The following ADGRA1 variants were observed in gnomAD, a reference collection of about 807,000 sequenced individuals.
The protein encoded by ADGRA1 is G-protein coupled receptor 123.
A neutral mutation model predicts 21.3 loss-of-function variants in ADGRA1; 12 were observed. That is an observed-to-expected ratio of 0.56 (90% confidence interval 0.36 to 0.91). ADGRA1 has a LOEUF of 0.91. Among genes scored for constraint, ADGRA1 ranks in the 40% least tolerant of loss-of-function variants. ADGRA1 has a pLI of 0.01. For synonymous variants in ADGRA1, 385 were observed against 368.8 expected, an observed-to-expected ratio of 1.04 and a Z score of -0.50; for missense variants, 790 against 805.6, an observed-to-expected ratio of 0.98 and a Z score of 0.23.
intron 5 of ADGRA1, among the ~76,000 whole-genome samples, chr10:133,105,700 G>A (rs561103072): frequency 1.3e-5 from 2 of 152,234 alleles, no homozygotes; most frequent in African/African-American, 4.8e-5. Context: ...GGTCAGCAGA[G>A]GGGGCGGACA....
chr10:133,122,705 G>T (rs1852295172), intron 5 of ADGRA1, among the ~76,000 whole-genome samples: 1 of 152,182 alleles, frequency 6.6e-6, no homozygotes, highest in Non-Finnish European at 1.5e-5. Context: ...CACGACCCGC[G>T]GGGCAGAAGC....
At chr10:133,095,707 G>C (rs754050743) in intron 2 of ADGRA1, 11 of 1,597,876 alleles carry the variant, frequency 6.9e-6, no homozygotes, top group African/African-American at 1.3e-5. Context: ...GTCTTGGCTG[G>C]ACGGACAAGA....
chr10:133,115,187 T>G (rs1453693236), intron 5 of ADGRA1, among the ~76,000 whole-genome samples: 2 of 151,860 alleles, frequency 1.3e-5, no homozygotes, highest in Non-Finnish European at 2.9e-5. Context: ...GCCTCACCCA[T>G]CGCCTGAGTG....
At chr10:133,089,296 G>A (rs548297880) in intron 2 of ADGRA1, among the ~76,000 whole-genome samples, 31 of 152,176 alleles carry the variant, frequency 2.0e-4, no homozygotes, top group South Asian at 1.9e-3. Context: ...CCTCCTCCAC[G>A]CCACCCTGCC....
chr10:133,121,793 G>C (rs1003473973), intron 5 of ADGRA1, among the ~76,000 whole-genome samples: 14 of 148,346 alleles, frequency 9.4e-5, no homozygotes, highest in Non-Finnish European at 2.1e-4. Context: ...TCGTGTGCCA[G>C]TGTGTGTGTG....
intron 5 of ADGRA1, among the ~76,000 whole-genome samples, chr10:133,120,739 GT>G: frequency 2.0e-5 from 3 of 152,324 alleles, no homozygotes; most frequent in Admixed American, 2.0e-4. Flanking sequence ...CCATGAGGCT[GT>G]TTCACTTTCT....
chr10:133,091,962 G>T (rs1433626916), intron 2 of ADGRA1, among the ~76,000 whole-genome samples: 1 of 152,232 alleles, frequency 6.6e-6, no homozygotes, highest in Non-Finnish European at 1.5e-5. Flanking sequence ...GCTCCCCGAG[G>T]CCGGACCCAT....
intron 2 of ADGRA1, among the ~76,000 whole-genome samples, chr10:133,090,246 G>C (rs749068749): frequency 1.3e-5 from 2 of 152,156 alleles, no homozygotes; most frequent in African/African-American, 4.8e-5. Context: ...ACCACCCCTC[G>C]CAGGCTGAGC....
intron 5 of ADGRA1, among the ~76,000 whole-genome samples, chr10:133,112,774 G>C (rs1285189695): frequency 7.2e-6 from 1 of 139,396 alleles, no homozygotes; most frequent in African/African-American, 2.6e-5. Context: ...GGGTCTGTAA[G>C]CTATGTCGGT....
At chr10:133,089,047 CG>C in intron 2 of ADGRA1, 135 bp downstream of exon 2, 1 of 1,233,326 alleles carries the variant, frequency 8.1e-7, no homozygotes, top group African/African-American at 1.5e-5. Context: ...GGCTCAGTGC[CG>C]GGGTGGGAGG....
chr10:133,120,778 C>G (rs1377465834), intron 5 of ADGRA1, among the ~76,000 whole-genome samples: 1 of 152,202 alleles, frequency 6.6e-6, no homozygotes, highest in African/African-American at 2.4e-5. Flanking sequence ...TGGAGGAGCA[C>G]TTTTAATTTT....
rs1564849577 is a variant in ADGRA1 at position 133,111,908 on chromosome 10, TG to T, written c.401+9067del. Among the ~76,000 whole-genome samples, 213 of 95,994 alleles carry T rather than the reference TG, an allele frequency of 2.2e-3. 13 individuals carry two copies. Among genetic ancestry groups the T allele is most frequent in the Non-Finnish European group, 2.8e-3 (130 of 46,422 alleles). 63.0% of individuals were successfully genotyped at this position (95,994 alleles called of 152,430 possible). ...CCCACCACAGACACCTCCCTCCTAA[TG>T]CCTCCAGACCACCTGCCCGCCGTGA... On this transcript the variant is annotated intron_variant, in intron 5 of 6. Coordinates refer to ENST00000392607, the MANE Select transcript of ADGRA1 (RefSeq NM_001083909.3).
Position 133,100,861 on chromosome 10 carries a change from C to T in ADGRA1, c.256-1836C>T, listed in dbSNP as rs373422941. On this transcript the variant is annotated intron_variant, in intron 4 of 6. Transcript: ENST00000392607. ...AATGAACCGTGGGAGCATTTTCCCA[C>T]GGCAGGTGGTGGGAGGTGCCTGCCG... Among the ~76,000 whole-genome samples, 10 of 152,282 alleles carry T rather than the reference C, an allele frequency of 6.6e-5. No individual in the cohort carries two copies. In the East Asian group the frequency reaches 9.7e-4, roughly 15 times the overall value.
intron 5 of ADGRA1, among the ~76,000 whole-genome samples, chr10:133,104,871 GGACTGTGCTGGGA>G (rs1446915623): frequency 1.3e-5 from 2 of 152,210 alleles, no homozygotes; most frequent in Non-Finnish European, 2.9e-5. Flanking sequence ...GGCTGCTGGG[GGACTGTGCTGGGA>G]GACTGGGCTG....
intron 4 of ADGRA1, among the ~76,000 whole-genome samples, chr10:133,101,425 T>A (rs1370731800): frequency 6.6e-6 from 1 of 152,274 alleles, no homozygotes; most frequent in East Asian, 1.9e-4. Context: ...GGGGCAGCCG[T>A]GCAGCACCGT....
chr10:133,110,252 G>A lies in ADGRA1; in HGVS notation c.401+7410G>A, dbSNP rs544198420. Among the ~76,000 whole-genome samples the A allele has an allele frequency of 2.6e-5, 4 of 152,390 alleles. No individual in the cohort carries two copies. In the South Asian group the frequency reaches 8.3e-4, roughly 32 times the overall value. On this transcript the variant is annotated intron_variant, in intron 5 of 6. Coordinates refer to ENST00000392607, the MANE Select transcript of ADGRA1 (RefSeq NM_001083909.3). The stretch of plus-strand genomic sequence containing the variant: ...TGTGCCCCGCACTTCTGCCCAGGAG[G>A]CCGCTCAGGCTCAAGCTCCGCATTC...
In ADGRA1 at chr10:133,129,282, A is replaced by G. The variant is rs1485230207; in HGVS notation, c.1454A>G (p.Glu485Gly). The change falls in exon 7 of 7, where the codon GAG becomes GGG. Residue 485 changes from glutamate to glycine, a missense_variant. Physicochemically the swap from Glu to Gly is moderately conservative, Grantham distance 98. Around this residue, in one of 3 missense-constraint regions of ADGRA1, gnomAD observed 391 missense variants for 351.5 expected, o/e 1.11. Transcript: ENST00000392607. ...CCCTTCCCCATGGTCACCCAGCCCG[A>G]GGGCAGTGATGGGAGCCCTGCCCTC... ...GDPFPMVTQP[E>G]GSDGSPALYS... 6.4e-7 allele frequency: 1 copy of G among 1,551,034 alleles called. No homozygotes were observed. The highest frequency in any genetic ancestry group is 8.7e-7 in the Non-Finnish European group (1 of 1,147,856).
chr10:133,123,197 G>C (rs977713543), intron 5 of ADGRA1, among the ~76,000 whole-genome samples: 16 of 151,996 alleles, frequency 1.1e-4, no homozygotes, highest in African/African-American at 3.4e-4. Flanking sequence ...GAGTCCCTCT[G>C]CGCCCGTCCC....
rs1851989931 is a variant in ADGRA1 at position 133,111,179 on chromosome 10, GCACCTCCCTCCTAATCCCTCCA to G, written c.401+8338_401+8359del. ...CCACCAGACCACCTGCCCGCCGTGA[GCACCTCCCTCCTAATCCCTCCA>G]GACAACCTGCCCACCACAGGCACCT... On this transcript the variant is annotated intron_variant, in intron 5 of 6. Coordinates refer to ENST00000392607, the MANE Select transcript of ADGRA1 (RefSeq NM_001083909.3). Among the ~76,000 whole-genome samples, 4 of 26,090 alleles carry G rather than the reference GCACCTCCCTCCTAATCCCTCCA, an allele frequency of 1.5e-4. 2 individuals carry two copies. In the African/African-American group the frequency reaches 1.6e-3, roughly 10 times the overall value. The allele number at this position is 26,090 out of a possible 152,430, so 17.1% of individuals were successfully genotyped here.
Sources: allele counts gnomAD v4.1 joint callset (sites outside exome capture counted in the v4.1 genomes callset), GRCh38; gene constraint gnomAD v4.1.1; regional missense constraint gnomAD v4.1.1; transcripts MANE v1.5; gene names NCBI Gene and HGNC (gene_info 2026-07-23, HGNC 2026-07-21).